The following SND1 variants were observed in gnomAD, a reference collection of about 807,000 sequenced individuals.
SND1 encodes the protein staphylococcal nuclease and tudor domain containing 1.
Under a neutral mutation model 121.7 loss-of-function variants are expected in SND1, and 38 were observed. The observed-to-expected ratio is 0.31, with a 90% CI of 0.24 to 0.41. SND1 has a LOEUF of 0.41. SND1 is among the 10% of genes least tolerant of loss of function. The pLI is 1.00. For synonymous variants in SND1, 401 were observed against 447.4 expected (o/e 0.90, Z 1.31); for missense variants, 868 against 1,184.6 (o/e 0.73, Z 3.92).
chr7:127,659,412 T>A (rs1317600232), intron 1 of SND1, among the ~76,000 whole-genome samples: 2 of 152,208 alleles, frequency 1.3e-5, no homozygotes, highest in Non-Finnish European at 2.9e-5. Flanking sequence ...AAAACTAAAA[T>A]TTTGATGTCA....
Position 127,786,631 on chromosome 7 carries a change from T to TTTTG in SND1, c.1153-20829_1153-20826dup, listed in dbSNP as rs547892352. Among the ~76,000 whole-genome samples the TTTTG allele has an allele frequency of 4.3e-3, 645 of 151,756 alleles. 1 individual carries two copies. The highest frequency in any genetic ancestry group is 0.017 in the Middle Eastern group (5 of 294). On this transcript the variant is annotated intron_variant, in intron 10 of 23. Coordinates refer to ENST00000354725, the MANE Select transcript of SND1 (RefSeq NM_014390.4). ...CATAGTGTTTTTTTGTTTTGTTTTG[T>TTTTG]TTTGTTTGTTTGTTTGTTTGTTTGT...
intron 16 of SND1, among the ~76,000 whole-genome samples, chr7:128,064,095 C>G (rs1168257095): frequency 6.6e-6 from 1 of 152,158 alleles, no homozygotes; most frequent in African/African-American, 2.4e-5. Flanking sequence ...TCGCCAGACT[C>G]TCCTTAAGTG....
chr7:127,870,314 T>C (rs1221005530), intron 12 of SND1, among the ~76,000 whole-genome samples: 1 of 152,218 alleles, frequency 6.6e-6, no homozygotes, highest in Non-Finnish European at 1.5e-5. Flanking sequence ...TTTATTGACA[T>C]ATTGCTGCTA....
chr7:128,010,082 C>T (rs1359694487), intron 16 of SND1, among the ~76,000 whole-genome samples: 2 of 152,220 alleles, frequency 1.3e-5, no homozygotes, highest in East Asian at 1.9e-4. Flanking sequence ...CCTTGAGTTT[C>T]CCAGAACTTG....
intron 1 of SND1, among the ~76,000 whole-genome samples, chr7:127,675,729 C>T (rs1795603974): frequency 6.6e-6 from 1 of 152,094 alleles, no homozygotes; most frequent in East Asian, 1.9e-4. Flanking sequence ...ATTTTTGGTT[C>T]CTCCTCTGAT....
At chr7:127,735,219 G>A (rs943969376) in intron 10 of SND1, among the ~76,000 whole-genome samples, 6 of 152,136 alleles carry the variant, frequency 3.9e-5, no homozygotes, top group Non-Finnish European at 8.8e-5. Flanking sequence ...CCTGGAGGTT[G>A]GTTGGGTGGG....
At chr7:127,748,392 G>C (rs1035775764) in intron 10 of SND1, among the ~76,000 whole-genome samples, 2 of 152,178 alleles carry the variant, frequency 1.3e-5, no homozygotes, top group African/African-American at 4.8e-5. Context: ...AGATTAATCA[G>C]GTGTATGCTG....
intron 15 of SND1, among the ~76,000 whole-genome samples, chr7:127,940,731 T>G (rs1475925295): frequency 6.6e-6 from 1 of 152,216 alleles, no homozygotes; most frequent in Non-Finnish European, 1.5e-5. Context: ...TTTCAAAAGT[T>G]TTTCTGAGGC....
intron 1 of SND1, among the ~76,000 whole-genome samples, chr7:127,683,195 G>T (rs537434573): frequency 1.1e-4 from 16 of 152,172 alleles, no homozygotes; most frequent in African/African-American, 3.9e-4. Context: ...ATAGCAAAAA[G>T]GAGGTGTAGT....
intron 21 of SND1, among the ~76,000 whole-genome samples, chr7:128,088,446 C>CTTTTTT (rs1047161140): frequency 2.5e-5 from 2 of 80,154 alleles, no homozygotes; most frequent in African/African-American, 5.3e-5. Flanking sequence ...CCCTATCTCT[C>CTTTTTT]TTTTTTTTTT....
chr7:127,909,438 G>A (rs545189718), intron 14 of SND1, among the ~76,000 whole-genome samples: 4 of 151,296 alleles, frequency 2.6e-5, no homozygotes, highest in Non-Finnish European at 4.4e-5. Context: ...TTAGAAATAC[G>A]TAGTATTTCT....
intron 17 of SND1, among the ~76,000 whole-genome samples, chr7:128,076,413 C>T (rs1175561019): frequency 6.6e-6 from 1 of 152,200 alleles, no homozygotes; most frequent in Non-Finnish European, 1.5e-5. Flanking sequence ...AGTGCTAGGG[C>T]CTGCCGCCTC....
chr7:127,691,662 G>A (rs1010209149), intron 2 of SND1, among the ~76,000 whole-genome samples: 8 of 151,966 alleles, frequency 5.3e-5, no homozygotes, highest in Non-Finnish European at 1.0e-4. Flanking sequence ...GCCCGGGCTG[G>A]AGTGCAGTGG....
intron 12 of SND1, among the ~76,000 whole-genome samples, chr7:127,868,299 C>T (rs747001015): frequency 2.7e-4 from 41 of 152,152 alleles, no homozygotes; most frequent in Non-Finnish European, 5.6e-4. Context: ...GTGGGAGGCT[C>T]ACTTGAGCCA....
chr7:127,761,658 C>T (rs1423751131), intron 10 of SND1, among the ~76,000 whole-genome samples: 3 of 152,190 alleles, frequency 2.0e-5, no homozygotes, highest in Admixed American at 1.3e-4. Flanking sequence ...TAGCATTCAT[C>T]TGATTTTATT....
At chr7:127,710,400 A>G (rs2116361831) in intron 9 of SND1, among the ~76,000 whole-genome samples, 1 of 152,024 alleles carries the variant, frequency 6.6e-6, no homozygotes, top group African/African-American at 2.4e-5. Context: ...AGCTTGGGCC[A>G]GAATGTAAAT....
intron 16 of SND1, among the ~76,000 whole-genome samples, chr7:128,064,869 A>G (rs1053832176): frequency 6.6e-6 from 1 of 152,236 alleles, no homozygotes; most frequent in Non-Finnish European, 1.5e-5. Context: ...CTTGACTTTT[A>G]CAGATATTTA....
chr7:127,959,346 T>C (rs1313963783), intron 15 of SND1, among the ~76,000 whole-genome samples: 2 of 152,222 alleles, frequency 1.3e-5, no homozygotes, highest in Non-Finnish European at 2.9e-5. Context: ...TTCCTACACA[T>C]GTAGCTGTCT....
intron 11 of SND1, among the ~76,000 whole-genome samples, chr7:127,822,595 T>A (rs1798568772): frequency 6.6e-6 from 1 of 152,172 alleles, no homozygotes. Flanking sequence ...AAATGTTTTT[T>A]GAAAAAAAGA....
Sources: gnomAD v4.1 joint callset for allele counts (sites outside exome capture counted in the v4.1 genomes callset) on GRCh38, gnomAD v4.1.1 for gene constraint, MANE v1.5 for transcripts, NCBI Gene and HGNC (gene_info 2026-07-23, HGNC 2026-07-21) for gene names.